The following MIA3 variants were observed in gnomAD, a reference collection of about 807,000 sequenced individuals.
MIA3 encodes transport and Golgi organization protein 1 homolog.
A neutral mutation model predicts 192.4 loss-of-function variants in MIA3; 90 were observed. The ratio of observed to expected loss-of-function variants is 0.47; its 90% confidence interval spans 0.39 to 0.56. The LOEUF (loss-of-function observed/expected upper bound fraction) is 0.56. Among genes scored for constraint, MIA3 ranks in the 20% least tolerant of loss-of-function variants. The pLI is 0.00. For synonymous variants in MIA3, 740 were observed against 792.8 expected (o/e 0.93, Z 1.12); for missense variants, 2,123 against 2,269.4 (o/e 0.94, Z 1.31).
At chr1:222,657,121 TG>T (rs1287512283) in intron 18 of MIA3, among the ~76,000 whole-genome samples, 1 of 152,220 alleles carries the variant, frequency 6.6e-6, no homozygotes, top group African/African-American at 2.4e-5. Context: ...AGGTCTAAGA[TG>T]ATGTTATCAT....
intron 4 of MIA3, 147 bp from the exon 5 acceptor site, chr1:222,632,016 CTG>C (rs1010205004): frequency 4.4e-5 from 25 of 569,272 alleles, no homozygotes; most frequent in Admixed American, 1.3e-4. Flanking sequence ...ATAAAAGAAA[CTG>C]AAACTCTTAT....
intron 6 of MIA3, among the ~76,000 whole-genome samples, chr1:222,636,396 C>G (rs1662623811): frequency 6.6e-6 from 1 of 151,958 alleles, no homozygotes; most frequent in African/African-American, 2.4e-5. Flanking sequence ...TATTCTTTGC[C>G]CATCCTCAAG....
chr1:222,655,086 G>A (rs1042516027), intron 18 of MIA3, among the ~76,000 whole-genome samples: 1 of 152,222 alleles, frequency 6.6e-6, no homozygotes, highest in Non-Finnish European at 1.5e-5. Context: ...TGCCTTGTCT[G>A]TGGCTCCGCC....
At chr1:222,647,018 A>G (rs1477131437) in intron 7 of MIA3, among the ~76,000 whole-genome samples, 1 of 152,214 alleles carries the variant, frequency 6.6e-6, no homozygotes, top group Non-Finnish European at 1.5e-5. Context: ...TGCTGCAAGG[A>G]AATACAATAA....
chr1:222,644,738 G>A (rs1312788650), intron 6 of MIA3, among the ~76,000 whole-genome samples: 1 of 152,132 alleles, frequency 6.6e-6, no homozygotes, highest in African/African-American at 2.4e-5. Context: ...GTTTAGGGAG[G>A]CAGGTGGGAG....
chr1:222,620,100 C>T (rs1661789694), intron 1 of MIA3, among the ~76,000 whole-genome samples: 2 of 152,202 alleles, frequency 1.3e-5, no homozygotes, highest in South Asian at 2.1e-4. Flanking sequence ...GGAAAGTAAT[C>T]AGAGTTTAGC....
chr1:222,618,886 C>T (rs1050227094), intron 1 of MIA3, among the ~76,000 whole-genome samples: 1 of 152,162 alleles, frequency 6.6e-6, no homozygotes, highest in African/African-American at 2.4e-5. Context: ...AGTCTGGAGT[C>T]CAAGCACTCA....
intron 2 of MIA3, among the ~76,000 whole-genome samples, chr1:222,623,341 G>A (rs1345380336): frequency 2.6e-5 from 4 of 151,170 alleles, no homozygotes; most frequent in Non-Finnish European, 4.4e-5. Context: ...AACTGACAAA[G>A]ATTAAGGAAG....
At chr1:222,619,500 A>G (rs1661763371) in intron 1 of MIA3, among the ~76,000 whole-genome samples, 1 of 152,256 alleles carries the variant, frequency 6.6e-6, no homozygotes, top group Non-Finnish European at 1.5e-5. Flanking sequence ...GTGTGAAGCC[A>G]TTCCTAGAGA....
chr1:222,644,575 A>G (rs1204762925), intron 6 of MIA3: 1 of 1,550,548 alleles, frequency 6.4e-7, no homozygotes, highest in Non-Finnish European at 8.7e-7. Flanking sequence ...CTTCATAGCC[A>G]AGCTGCTGGA....
In MIA3 at chr1:222,618,126, GGGCTGCTCGTCT is replaced by G; in HGVS notation, c.27_38del (p.Trp10_Val13del). 6.7e-7 allele frequency: 1 copy of G among 1,501,098 alleles called. No individual in the cohort carries two copies. Among genetic ancestry groups the G allele is most frequent in the Non-Finnish European group, 8.9e-7 (1 of 1,128,694 alleles). The allele number at this position is 1,501,098 out of a possible 1,614,324, so 93.0% of individuals were successfully genotyped here. A position where few individuals can be genotyped will look rare whatever the true frequency, so the allele number is the denominator to read the frequency against. On this transcript the variant is annotated inframe_deletion, in exon 1 of 28. Coordinates refer to ENST00000344922, the MANE Select transcript of MIA3 (RefSeq NM_198551.4). ...TGACCACAACATGGCTGCGGCGCCT[GGGCTGCTCGTCT>G]GGCTGCTCGTGCTCCGGCTGCCCTG...
chr1:222,651,475 TGAG>T (rs1001566922), intron 11 of MIA3, among the ~76,000 whole-genome samples: 2 of 152,232 alleles, frequency 1.3e-5, no homozygotes, highest in African/African-American at 2.4e-5. Context: ...TCCATCCTCT[TGAG>T]GAGCCAGAAT....
intron 2 of MIA3, among the ~76,000 whole-genome samples, chr1:222,623,265 C>A (rs562717994): frequency 1.3e-5 from 2 of 149,130 alleles, no homozygotes; most frequent in South Asian, 4.2e-4. Context: ...GTCATGTGAG[C>A]CTATGTTTTT....
At chr1:222,660,150 A>T (rs774304289) in intron 23 of MIA3, 27 bp from the exon 24 acceptor site, 1 of 1,606,014 alleles carries the variant, frequency 6.2e-7, no homozygotes, top group Admixed American at 1.7e-5. Context: ...CTGTCTTAAA[A>T]TGCTAACAAG....
intron 13 of MIA3, 44 bp from the exon 14 acceptor site, chr1:222,652,964 G>C: frequency 6.3e-7 from 1 of 1,583,668 alleles, no homozygotes; most frequent in Admixed American, 1.7e-5. Context: ...TGTCTCCAGT[G>C]CAAAAGCCCT....
Position 222,628,009 on chromosome 1 carries a change from C to T in MIA3, c.789C>T (p.Ala263=). 1 of 1,613,906 alleles carries T rather than the reference C, an allele frequency of 6.2e-7. No individual in the cohort carries two copies. ...CAAATGAACAGGATAAGATTGATGC[C>T]TATAAACTTTTGAAAAAAGAAATGA... ...QVSNEQDKID[A]YKLLKKEMTL... The change falls in exon 4 of 28, where the codon GCC becomes GCT. Residue 263 remains alanine (A), a synonymous_variant. Transcript: ENST00000344922.
chr1:222,630,490 C>A, intron 4 of MIA3, 101 bp downstream of exon 4: 1 of 1,239,530 alleles, frequency 8.1e-7, no homozygotes, highest in Non-Finnish European at 1.1e-6. Context: ...TTCCAATGTG[C>A]CTAAAGGAGA....
chr1:222,659,857 T>C, intron 22 of MIA3, 49 bp from the exon 23 acceptor site: 1 of 1,605,124 alleles, frequency 6.2e-7, no homozygotes, highest in Non-Finnish European at 8.5e-7. Context: ...GGAATTGGTT[T>C]CTATTTCATA....
chr1:222,622,499 G>T (rs552729361), intron 2 of MIA3, among the ~76,000 whole-genome samples: 2 of 152,126 alleles, frequency 1.3e-5, no homozygotes, highest in African/African-American at 4.8e-5. Context: ...AAATCCCCTT[G>T]GGGAAAATAG....
Sources: allele counts gnomAD v4.1 joint callset (sites outside exome capture counted in the v4.1 genomes callset), GRCh38; gene constraint gnomAD v4.1.1; transcripts MANE v1.5; gene names NCBI Gene and HGNC (gene_info 2026-07-23, HGNC 2026-07-21).